Variants in SATB1 observed in about 807,000 individuals in gnomAD.
SATB1 encodes the protein DNA-binding protein SATB1.
Under a neutral mutation model 86.9 loss-of-function variants are expected in SATB1, and 11 were observed. The observed-to-expected ratio is 0.13, with a 90% confidence interval of 0.08 to 0.21. The LOEUF (loss-of-function observed/expected upper bound fraction) is 0.21, where lower values mean the gene tolerates loss of function less well. Among genes scored for constraint, SATB1 ranks in the 10% least tolerant of loss-of-function variants. The probability of loss-of-function intolerance (pLI) is 1.00; values close to 1 mark genes in which losing one functional copy is unlikely to be tolerated. For missense variants in SATB1, 551 were observed against 937.6 expected, an observed-to-expected ratio of 0.59 and a Z score of 5.39; for synonymous variants, 357 against 357.2, an observed-to-expected ratio of 1.00 and a Z score of 0.01.
At chr3:18,439,076 C>T (rs1044839154), upstream of SATB1, among the ~76,000 whole-genome samples, 13 of 152,160 alleles carry the variant, frequency 8.5e-5, no homozygotes, top group African/African-American at 3.1e-4. Flanking sequence ...ACTGAACCAA[C>T]TCTTAATTTT....
intron 5 of SATB1, among the ~76,000 whole-genome samples, chr3:18,412,710 T>C (rs999499544): frequency 9.9e-5 from 15 of 151,970 alleles, no homozygotes; most frequent in African/African-American, 3.1e-4. Flanking sequence ...ATCTTAACCA[T>C]AGGAAAAAGA....
intron 5 of SATB1, among the ~76,000 whole-genome samples, chr3:18,414,637 T>G (rs966785862): frequency 5.3e-5 from 8 of 152,114 alleles, no homozygotes; most frequent in Non-Finnish European, 1.0e-4. Context: ...TGTACTAAAA[T>G]ACTTTTAATT....
chr3:18,379,570 T>A (rs1285865201), intron 8 of SATB1, among the ~76,000 whole-genome samples: 1 of 152,064 alleles, frequency 6.6e-6, no homozygotes, highest in East Asian at 1.9e-4. Context: ...AGCCTTTGAG[T>A]CAAGCTGCAG....
intron 2 of SATB1, among the ~76,000 whole-genome samples, chr3:18,436,144 C>T (rs1290709860): frequency 1.3e-5 from 2 of 152,130 alleles, no homozygotes; most frequent in Non-Finnish European, 2.9e-5. Flanking sequence ...CATATACAAA[C>T]ACTCCAAATC....
At chr3:18,418,580 G>A (rs1201568921) in intron 2 of SATB1, among the ~76,000 whole-genome samples, 1 of 152,166 alleles carries the variant, frequency 6.6e-6, no homozygotes, top group Non-Finnish European at 1.5e-5. Context: ...GGGATCAGAA[G>A]ACAACTTGGG....
intron 8 of SATB1, among the ~76,000 whole-genome samples, chr3:18,383,036 A>G (rs1001637885): frequency 6.6e-6 from 1 of 152,246 alleles, no homozygotes; most frequent in Admixed American, 6.5e-5. Flanking sequence ...TAGGGTGTGA[A>G]TCATTATCAG....
intron 9 of SATB1, among the ~76,000 whole-genome samples, chr3:18,373,054 T>C (rs1441957579): frequency 6.6e-6 from 1 of 152,194 alleles, no homozygotes; most frequent in Non-Finnish European, 1.5e-5. Flanking sequence ...CCTCCTCCTC[T>C]TCCAGGCAAG....
intron 9 of SATB1, among the ~76,000 whole-genome samples, chr3:18,356,198 T>C (rs971029376): frequency 6.6e-6 from 1 of 151,938 alleles, no homozygotes; most frequent in Non-Finnish European, 1.5e-5. Flanking sequence ...TGCAAAGTTA[T>C]GTATTGTAAA....
rs989863437 is a variant in SATB1 at position 18,437,426 on chromosome 3, AT to A, written c.-107-556del. On this transcript the variant is annotated intron_variant, in intron 1 of 3. Transcript: ENST00000414509. ...ACCCTGACTCCATACATTCTAAAAG[AT>A]TTTTTTTAAAGAATCAAGCAAGCAG... is the stretch of plus-strand genomic sequence containing the variant. Among the ~76,000 whole-genome samples, 99 of 152,142 alleles carry A rather than the reference AT, an allele frequency of 6.5e-4. 1 individual carries two copies. The highest frequency in any genetic ancestry group is 2.3e-3 in the African/African-American group (94 of 41,544).
chr3:18,380,985 A>G (rs1186030140), intron 8 of SATB1, among the ~76,000 whole-genome samples: 1 of 152,222 alleles, frequency 6.6e-6, no homozygotes, highest in Non-Finnish European at 1.5e-5. Context: ...CTCCGCAAAT[A>G]GCACAGGAGG....
chr3:18,420,716 A>C (rs753792098), intron 2 of SATB1, 41 bp downstream of exon 2: 4 of 1,557,240 alleles, frequency 2.6e-6, no homozygotes, highest in South Asian at 1.1e-5. Context: ...TGTAGACAAC[A>C]GGGCTTTCAG....
At chr3:18,431,393 G>A (rs1198343453) in intron 2 of SATB1, among the ~76,000 whole-genome samples, 1 of 152,044 alleles carries the variant, frequency 6.6e-6, no homozygotes, top group Non-Finnish European at 1.5e-5. Context: ...CTATCTATAT[G>A]TCTGCCTCTC....
At chr3:18,392,515 A>C (rs1307826199) in intron 7 of SATB1, among the ~76,000 whole-genome samples, 4 of 152,024 alleles carry the variant, frequency 2.6e-5, no homozygotes, top group Admixed American at 1.3e-4. Flanking sequence ...ATAACTGCTC[A>C]ATTTTTAAGA....
At chr3:18,388,985 T>A (rs897373024) in intron 7 of SATB1, among the ~76,000 whole-genome samples, 2 of 152,126 alleles carry the variant, frequency 1.3e-5, no homozygotes, top group Non-Finnish European at 2.9e-5. Flanking sequence ...CTAAGTCATT[T>A]CCATATGGTT....
chr3:18,431,937 T>C (rs1402051536), intron 2 of SATB1, among the ~76,000 whole-genome samples: 1 of 152,190 alleles, frequency 6.6e-6, no homozygotes, highest in East Asian at 1.9e-4. Context: ...TGTGCAGGTA[T>C]GTTATTTATC....
chr3:18,420,980 T>C lies in SATB1; in HGVS notation c.-13A>G. 2 of 1,612,702 alleles carry C rather than the reference T, an allele frequency of 1.2e-6. No homozygotes were observed. Among genetic ancestry groups the C allele is most frequent in the Non-Finnish European group, 1.7e-6 (2 of 1,178,732 alleles). On this transcript the variant is annotated 5_prime_UTR_variant, in exon 2 of 11. Coordinates refer to ENST00000338745, the MANE Select transcript of SATB1 (RefSeq NM_002971.6). ...TCAAATGATCCATACTCAGTCACTG[T>C]CTAAAGATCACCTGCCAGAATTTAA...
In SATB1 at chr3:18,386,573, G is replaced by A. The variant is rs1412191489; in HGVS notation, c.1245C>T (p.Pro415=). 3 of 1,614,072 alleles carry A rather than the reference G, an allele frequency of 1.9e-6. No homozygotes were observed. Among genetic ancestry groups the A allele is most frequent in the Non-Finnish European group, 2.5e-6 (3 of 1,179,972 alleles). The change falls in exon 8 of 11, where the codon CCC becomes CCT. Residue 415 remains proline, a synonymous_variant. Coordinates refer to ENST00000338745, the MANE Select transcript of SATB1 (RefSeq NM_002971.6). The surrounding 1 kb of genome is among the most constrained non-coding windows in gnomAD (Gnocchi z 4.5). ...CCAGCAAAGACTGGGATGCAGTCTT[G>A]GGGTCCTCTTCCTTTCGGAGGATTT... ...LSEILRKEED[P]KTASQSLLVN...
chr3:18,418,541 C>T (rs1280776649), intron 2 of SATB1, among the ~76,000 whole-genome samples: 1 of 152,154 alleles, frequency 6.6e-6, no homozygotes, highest in Non-Finnish European at 1.5e-5. Flanking sequence ...ATTCATTCAG[C>T]TGTTTTATAC....
At chr3:18,354,356 C>T (rs2125132625) in intron 9 of SATB1, among the ~76,000 whole-genome samples, 1 of 152,164 alleles carries the variant, frequency 6.6e-6, no homozygotes, top group South Asian at 2.1e-4. Flanking sequence ...ATTACTTTCC[C>T]TCTCCCCCTT....
Sources: allele counts gnomAD v4.1 joint callset (sites outside exome capture counted in the v4.1 genomes callset), GRCh38; gene constraint gnomAD v4.1.1; non-coding constraint Gnocchi (gnomAD v3.1); transcripts MANE v1.5; gene names NCBI Gene and HGNC (gene_info 2026-07-23, HGNC 2026-07-21).